Variants in CPLANE1 observed in about 807,000 individuals in gnomAD.
CPLANE1 encodes ciliogenesis and planar polarity effector 1.
Under a neutral mutation model 362.5 loss-of-function variants are expected in CPLANE1, and 263 were observed. The observed-to-expected ratio is 0.73, with a 90% CI of 0.66 to 0.80. CPLANE1 has a LOEUF of 0.80. Among genes scored for constraint, CPLANE1 ranks in the 30% least tolerant of loss-of-function variants. The pLI, the probability that CPLANE1 is intolerant of heterozygous loss-of-function variation, is 0.00. For missense variants in CPLANE1, 3,461 were observed against 3,793.4 expected (o/e 0.91, Z 2.30); for synonymous variants, 1,212 against 1,302.6 (o/e 0.93, Z 1.50).
chr5:37,143,719 A>C (rs1224170453), intron 43 of CPLANE1, among the ~76,000 whole-genome samples: 1 of 152,132 alleles, frequency 6.6e-6, no homozygotes, highest in Non-Finnish European at 1.5e-5. Context: ...TGATCACCTG[A>C]GGTCAGGAGT....
chr5:37,227,894 A>T (rs1796806061), intron 9 of CPLANE1, 77 bp from the exon 10 acceptor site: 3 of 1,369,544 alleles, frequency 2.2e-6, no homozygotes, highest in Non-Finnish European at 1.9e-6. Flanking sequence ...TTCAAAAAAG[A>T]AGAAAAAGTT....
At chr5:37,087,390 G>A in the CPLANE1 span, among the ~76,000 whole-genome samples, 1 of 152,152 alleles carries the variant, frequency 6.6e-6, no homozygotes, top group East Asian at 1.9e-4. Context: ...CAAAATAACA[G>A]AGAGGAAATG....
the CPLANE1 span, among the ~76,000 whole-genome samples, chr5:37,088,320 G>A: frequency 2.9e-3 from 444 of 152,322 alleles, no homozygotes; most frequent in Non-Finnish European, 5.2e-3. Flanking sequence ...AGCCACAGTT[G>A]GGGAGCTTCT....
Position 37,221,323 on chromosome 5 carries a change from C to T in CPLANE1, c.2746+1G>A. The stretch of plus-strand genomic sequence containing the variant: ...ACAAAGAAAGAAAAAAAAAAGCATA[C>T]CTGAAAAATCTTTATTTTCTTTTAC... On this transcript the variant is annotated splice_donor_variant, in intron 15 of 52. Coordinates refer to ENST00000651892, the MANE Select transcript of CPLANE1 (RefSeq NM_001384732.1). LOFTEE classifies it high-confidence loss of function. The T allele has an allele frequency of 6.7e-7, 1 of 1,485,918 alleles. No homozygotes were observed. Among genetic ancestry groups the T allele is most frequent in the Non-Finnish European group, 8.9e-7 (1 of 1,121,236 alleles). 92.0% of individuals were successfully genotyped at this position (1,485,918 alleles called of 1,614,324 possible). A position where few individuals can be genotyped will look rare whatever the true frequency, so the allele number is the denominator to read the frequency against.
chr5:37,169,116 CA>C lies in CPLANE1; in HGVS notation c.6907del (p.Trp2303GlyfsTer5). On this transcript the variant is annotated frameshift_variant, in exon 34 of 53. Coordinates refer to ENST00000651892, the MANE Select transcript of CPLANE1 (RefSeq NM_001384732.1). LOFTEE classifies it high-confidence loss of function. ...ARKKEVEQKT[W>X]AETVITEIPN... is the part of the protein sequence containing the mutation. ...AATTTCTGTAATTACAGTTTCTGCCCACGTCTTCTGCTCAACTTCTTTTTTT... is the reference window on the plus strand; with the variant it reads ...AATTTCTGTAATTACAGTTTCTGCCCCGTCTTCTGCTCAACTTCTTTTTTT... 6.2e-7 allele frequency: 1 copy of C among 1,614,080 alleles called. No individual in the cohort carries two copies. The highest frequency in any genetic ancestry group is 8.5e-7 in the Non-Finnish European group (1 of 1,180,006).
At chr5:37,168,479 G>A (rs1481489386) in intron 34 of CPLANE1, among the ~76,000 whole-genome samples, 1 of 151,790 alleles carries the variant, frequency 6.6e-6, no homozygotes, top group Non-Finnish European at 1.5e-5. Flanking sequence ...AGTATTGATA[G>A]AAAGACCTAA....
chr5:37,233,247 A>G (rs1798153254), intron 8 of CPLANE1, among the ~76,000 whole-genome samples: 1 of 152,002 alleles, frequency 6.6e-6, no homozygotes. Context: ...TGCTTCAGGG[A>G]GGAAGAGGGG....
At chr5:37,232,988 T>C (rs1798092476) in intron 8 of CPLANE1, among the ~76,000 whole-genome samples, 1 of 152,114 alleles carries the variant, frequency 6.6e-6, no homozygotes. Context: ...AAAAGGCTCC[T>C]GAACACAGGG....
At chr5:37,201,241 GTC>G (rs1370398093) in intron 19 of CPLANE1, among the ~76,000 whole-genome samples, 2 of 151,958 alleles carry the variant, frequency 1.3e-5, no homozygotes, top group Admixed American at 1.3e-4. Flanking sequence ...ATTTTTAAAA[GTC>G]TGGATATTAA....
At chr5:37,119,631 T>C (rs1161162070) in intron 50 of CPLANE1, among the ~76,000 whole-genome samples, 11 of 142,660 alleles carry the variant, frequency 7.7e-5, no homozygotes, top group African/African-American at 2.6e-4. Context: ...GGTCACACCA[T>C]TGGCACTCCA....
At chr5:37,197,682 C>A (rs541157713) in intron 20 of CPLANE1, among the ~76,000 whole-genome samples, 1 of 152,272 alleles carries the variant, frequency 6.6e-6, no homozygotes, top group East Asian at 1.9e-4. Context: ...TAATAGAAAA[C>A]TAATATGGCT....
intron 8 of CPLANE1, among the ~76,000 whole-genome samples, chr5:37,235,189 A>G (rs1051896819): frequency 2.6e-5 from 4 of 152,180 alleles, no homozygotes; most frequent in Admixed American, 2.6e-4. Flanking sequence ...ACCAATAACT[A>G]TGTAGCCAAG....
Position 37,213,547 on chromosome 5 carries a change from TTAC to T in CPLANE1, c.2920+9_2920+11del. The T allele has an allele frequency of 6.6e-7, 1 of 1,509,038 alleles. No individual in the cohort carries two copies. Among genetic ancestry groups the T allele is most frequent in the Non-Finnish European group, 8.9e-7 (1 of 1,122,676 alleles). The allele number at this position is 1,509,038 out of a possible 1,614,324, so 93.5% of individuals were successfully genotyped here. Reference sequence around the variant, plus strand: ...CAAAAAAAGTTTAAAAAGGATTTGTTTACTACATTACCTGTTTTAATATGAAGT... The same window carrying T: ...CAAAAAAAGTTTAAAAAGGATTTGTTTACATTACCTGTTTTAATATGAAGT... On this transcript the variant is annotated intron_variant, in intron 16 of 52. Coordinates refer to ENST00000651892, the MANE Select transcript of CPLANE1 (RefSeq NM_001384732.1).
intron 31 of CPLANE1, 124 bp from the exon 32 acceptor site, chr5:37,174,071 T>C: frequency 3.6e-6 from 3 of 834,780 alleles, no homozygotes; most frequent in Non-Finnish European, 5.4e-6. Flanking sequence ...TCTAGTAGTT[T>C]TCTAGAAATT....
At chr5:37,244,653 TC>T in intron 4 of CPLANE1, 46 bp from the exon 5 acceptor site, 1 of 1,059,830 alleles carries the variant, frequency 9.4e-7, no homozygotes, top group Non-Finnish European at 1.4e-6. Flanking sequence ...AAGTCTGAAT[TC>T]CCCCCAATAA....
At chr5:37,144,207 A>G (rs955968859) in intron 43 of CPLANE1, among the ~76,000 whole-genome samples, 6 of 151,532 alleles carry the variant, frequency 4.0e-5, no homozygotes, top group African/African-American at 1.5e-4. Flanking sequence ...CAGGAGATTG[A>G]GACCATCCTG....
chr5:37,139,671 C>G (rs1769060665), intron 44 of CPLANE1: 6 of 382,898 alleles, frequency 1.6e-5, no homozygotes, highest in Non-Finnish European at 2.2e-5. Flanking sequence ...CCACCTTAAC[C>G]TCCTGAATGG....
At chr5:37,110,791 C>G (rs1407011038) in intron 51 of CPLANE1, among the ~76,000 whole-genome samples, 1 of 150,278 alleles carries the variant, frequency 6.7e-6, no homozygotes, top group Admixed American at 6.7e-5. Flanking sequence ...AGAACCTGGG[C>G]TAATGTATTA....
chr5:37,105,170 C>A (rs186817130), downstream of CPLANE1, among the ~76,000 whole-genome samples: 1 of 151,800 alleles, frequency 6.6e-6, no homozygotes, highest in African/African-American at 2.4e-5. Flanking sequence ...CATGGTGGTG[C>A]GCACCTGGAG....
Sources: allele counts gnomAD v4.1 joint callset (sites outside exome capture counted in the v4.1 genomes callset), GRCh38; gene constraint gnomAD v4.1.1; transcripts MANE v1.5; gene names NCBI Gene and HGNC (gene_info 2026-07-23, HGNC 2026-07-21).